SDK1: variants seen among roughly 807,000 people sequenced by gnomAD.
SDK1 encodes sidekick cell adhesion molecule 1, also known as protein sidekick-1.
In SDK1, 157 loss-of-function variants were observed where a neutral mutation model predicts 245.5. The observed-to-expected ratio is 0.64, with a 90% CI of 0.56 to 0.73. SDK1 has a LOEUF of 0.73. Among genes scored for constraint, SDK1 ranks in the 30% least tolerant of loss-of-function variants. SDK1 has a pLI of 0.00. For synonymous variants in SDK1, 1,647 were observed against 1,278.5 expected (o/e 1.29, Z -6.15); for missense variants, 3,583 against 3,002.3 (o/e 1.19, Z -4.52).
rs538408738 is a variant in SDK1, at chr7:3,612,280, C to A, written c.299-6800C>A. Among the ~76,000 whole-genome samples, 6 of 152,322 alleles carry A rather than the reference C, an allele frequency of 3.9e-5. No homozygotes were observed. The South Asian group carries it at 1.0e-3, about 26-fold the overall frequency. ...ATCCTATCATAGGATCCTCTTACAG[C>A]ATCATAATGTGGACCTGTCTATATT... On this transcript the variant is annotated intron_variant, in intron 1 of 44. Coordinates refer to ENST00000404826, the MANE Select transcript of SDK1 (RefSeq NM_152744.4).
At chr7:4,143,785 C>T (rs1483497285) in intron 28 of SDK1, among the ~76,000 whole-genome samples, 1 of 152,210 alleles carries the variant, frequency 6.6e-6, no homozygotes, top group Non-Finnish European at 1.5e-5. Context: ...TCCAGCCCGA[C>T]TCTCTCGTCA....
intron 1 of SDK1, among the ~76,000 whole-genome samples, chr7:3,311,588 GA>G (rs934691054): frequency 4.0e-5 from 6 of 151,882 alleles, no homozygotes; most frequent in Non-Finnish European, 7.4e-5. Context: ...TTGAGGCTGG[GA>G]AAAAAAATTG....
At chr7:3,968,974 T>G (rs1291309934) in intron 10 of SDK1, among the ~76,000 whole-genome samples, 1 of 152,124 alleles carries the variant, frequency 6.6e-6, no homozygotes, top group Non-Finnish European at 1.5e-5. Context: ...CTCACAAGGC[T>G]GCAAGAGAGA....
rs186671773 is a variant in SDK1, at chr7:3,519,331, T to A, written c.299-99749T>A. On this transcript the variant is annotated intron_variant, in intron 1 of 44. Transcript: ENST00000404826. The stretch of plus-strand genomic sequence containing the variant: ...GATAAATGTTTGAGATGATGAATTA[T>A]GCTAATTACCCATTACTATATATTG... Among the ~76,000 whole-genome samples, 370 of 152,242 alleles carry A rather than the reference T, an allele frequency of 2.4e-3. 3 individuals carry two copies. The highest frequency in any genetic ancestry group is 0.018 in the South Asian group (88 of 4,820).
At chr7:3,914,063 A>G (rs981544924) in intron 5 of SDK1, among the ~76,000 whole-genome samples, 8 of 152,152 alleles carry the variant, frequency 5.3e-5, no homozygotes, top group Admixed American at 5.2e-4. Flanking sequence ...AAAGGTAAGG[A>G]GCGGTTATGA....
At chr7:4,167,935 T>A (rs1181727738) in intron 32 of SDK1, among the ~76,000 whole-genome samples, 1 of 152,234 alleles carries the variant, frequency 6.6e-6, no homozygotes, top group Admixed American at 6.5e-5. Context: ...GAGCCTGACC[T>A]TGACCTCATG....
At chr7:3,857,888 T>C (rs1450289349) in intron 5 of SDK1, among the ~76,000 whole-genome samples, 3 of 152,198 alleles carry the variant, frequency 2.0e-5, no homozygotes, top group Admixed American at 6.5e-5. Flanking sequence ...TATTTTTGAA[T>C]AAACTGATCA....
chr7:4,111,357 T>C (rs1216381547), intron 23 of SDK1, among the ~76,000 whole-genome samples: 1 of 152,192 alleles, frequency 6.6e-6, no homozygotes, highest in Non-Finnish European at 1.5e-5. Flanking sequence ...GGAGATGGAA[T>C]TTCCAGTTAT....
chr7:3,906,018 A>G (rs1179811414), intron 5 of SDK1, among the ~76,000 whole-genome samples: 1 of 151,948 alleles, frequency 6.6e-6, no homozygotes, highest in Admixed American at 6.6e-5. Context: ...GCATATTTGC[A>G]TCTTCTCATT....
At chr7:3,947,269 C>T (rs1439350801) in intron 5 of SDK1, among the ~76,000 whole-genome samples, 1 of 152,212 alleles carries the variant, frequency 6.6e-6, no homozygotes, top group East Asian at 1.9e-4. Flanking sequence ...CTCTTCTGCT[C>T]TTCCACCTCA....
chr7:3,422,716 A>G (rs549821525), intron 1 of SDK1, among the ~76,000 whole-genome samples: 1 of 152,312 alleles, frequency 6.6e-6, no homozygotes, highest in South Asian at 2.1e-4. Context: ...TACTCTGGCA[A>G]CACAGGAGTT....
At position 4,220,270 on chromosome 7, in the gene SDK1, G is replaced by A; in HGVS notation, c.5701G>A (p.Gly1901Arg). The A allele has an allele frequency of 6.2e-7, 1 of 1,612,388 alleles. No homozygotes were observed. Among genetic ancestry groups the A allele is most frequent in the Non-Finnish European group, 8.5e-7 (1 of 1,178,884 alleles). ...CAATATCACAGCCGGGCCAGCCGAG[G>A]GTAAGTGGAACTCCAGGGGCAGACA... is the stretch of plus-strand genomic sequence containing the variant. ...QANITAGPAE[G>R]SPGSPRDVLV... The change falls in exon 39 of 45, where the codon GGA becomes AGA. Residue 1901 changes from glycine (G) to arginine (R), a missense_variant and splice_region_variant. Gly to Arg is a moderately radical substitution (Grantham distance 125, BLOSUM62 -2). Transcript: ENST00000404826.
chr7:3,629,970 T>C (rs892331139), intron 2 of SDK1, among the ~76,000 whole-genome samples: 2 of 152,166 alleles, frequency 1.3e-5, no homozygotes, highest in Non-Finnish European at 2.9e-5. Flanking sequence ...ATCTAACTTA[T>C]AAGGATGAAA....
rs936411386 is a variant in SDK1 at position 4,026,612 on chromosome 7, CA to C, written c.2602+9264del. ...AAAAATAAGTTCAGAAAGGAACACA[CA>C]AAACTTTTTAAGTGTTAAAGTATTT... On this transcript the variant is annotated intron_variant, in intron 17 of 44. Transcript: ENST00000404826. This position sits in a 1 kb window ranked among gnomAD's most constrained non-coding sequence, Gnocchi z 4.1. Among the ~76,000 whole-genome samples, 1 of 152,138 alleles carries C rather than the reference CA, an allele frequency of 6.6e-6. No homozygotes were observed. The highest frequency in any genetic ancestry group is 1.5e-5 in the Non-Finnish European group (1 of 68,022).
At chr7:4,060,744 A>T (rs1453422138) in intron 19 of SDK1, among the ~76,000 whole-genome samples, 3 of 152,148 alleles carry the variant, frequency 2.0e-5, no homozygotes, top group Non-Finnish European at 4.4e-5. Flanking sequence ...GGTAATGCCT[A>T]GGTTTTCTTC....
intron 1 of SDK1, among the ~76,000 whole-genome samples, chr7:3,399,376 G>C (rs1274356847): frequency 6.6e-6 from 1 of 152,036 alleles, no homozygotes. Flanking sequence ...GAAAGTATGA[G>C]CATGATGGTT....
At chr7:3,414,990 T>G (rs1388773427) in intron 1 of SDK1, among the ~76,000 whole-genome samples, 1 of 152,240 alleles carries the variant, frequency 6.6e-6, no homozygotes, top group Non-Finnish European at 1.5e-5. Context: ...ACATGTTGGT[T>G]GTTTTGACTT....
intron 4 of SDK1, among the ~76,000 whole-genome samples, chr7:3,782,916 A>G (rs185131718): frequency 2.0e-5 from 3 of 152,342 alleles, no homozygotes; most frequent in African/African-American, 4.8e-5. Flanking sequence ...CAAGAACATT[A>G]TAAGAAAGAG....
chr7:4,246,196 C>T (rs964962076), intron 44 of SDK1, among the ~76,000 whole-genome samples: 1 of 152,206 alleles, frequency 6.6e-6, no homozygotes, highest in Admixed American at 6.5e-5. Flanking sequence ...GAGAGATAGG[C>T]AAGGCTGGTG....
Sources: allele counts gnomAD v4.1 joint callset (sites outside exome capture counted in the v4.1 genomes callset), GRCh38; gene constraint gnomAD v4.1.1; non-coding constraint Gnocchi (gnomAD v3.1); transcripts MANE v1.5; gene names NCBI Gene and HGNC (gene_info 2026-07-23, HGNC 2026-07-21).